CXorf66: variants seen among roughly 807,000 people sequenced by gnomAD.
The protein encoded by CXorf66 is uncharacterized protein CXorf66.
CXorf66 carries 6 observed loss-of-function variants against 5.0 expected under a neutral mutation model. That is an observed-to-expected ratio of 1.20 (90% CI 0.65 to 2.36). The LOEUF is 2.36. Ranked by LOEUF, CXorf66 falls within the 30% of genes most tolerant of loss-of-function variation. CXorf66 has a pLI of 0.00. For missense variants in CXorf66, 270 were observed against 254.9 expected, an observed-to-expected ratio of 1.06 and a Z score of -0.40; for synonymous variants, 98 against 102.8, an observed-to-expected ratio of 0.95 and a Z score of 0.28.
Position 139,958,166 on chromosome X carries a change from T to A in CXorf66, c.140A>T (p.Asn47Ile). Reference sequence around the variant, plus strand: ...GATAATACCAACTAAAATGAGTAGATTTCTTCTAAGGTAGTTCAATTTTGT... The same window carrying A: ...GATAATACCAACTAAAATGAGTAGAATTCTTCTAAGGTAGTTCAATTTTGT... Reference protein sequence around the residue: ...MQTKLNYLRRNLLILVGIIIM... With the variant: ...MQTKLNYLRRILLILVGIIIM... The change falls in exon 2 of 3, where the codon AAT becomes ATT. Residue 47 changes from asparagine to isoleucine, a missense_variant. Coordinates refer to ENST00000370540, the MANE Select transcript of CXorf66 (RefSeq NM_001013403.3). The A allele has an allele frequency of 8.3e-7, 1 of 1,199,272 alleles. No homozygotes were observed. Among genetic ancestry groups the A allele is most frequent in the East Asian group, 3.0e-5 (1 of 33,502 alleles).
chrX:139,961,195 G>A (rs892554960), intron 1 of CXorf66, among the ~76,000 whole-genome samples: 2 of 111,538 alleles, frequency 1.8e-5, no homozygotes, highest in Non-Finnish European at 3.8e-5. Flanking sequence ...CATCACACGT[G>A]AAAAGACACA....
chrX:139,959,036 C>T (rs2085584199), intron 1 of CXorf66, among the ~76,000 whole-genome samples: 1 of 111,730 alleles, frequency 9.0e-6, no homozygotes, highest in Non-Finnish European at 1.9e-5. Context: ...TTTTTTCCCC[C>T]CAGTGGCACC....
rs1189043111 is a variant in CXorf66 at position 139,965,422 on chromosome X, T to A, written c.75A>T (p.Gly25=). 2 of 1,200,638 alleles carry A rather than the reference T, an allele frequency of 1.7e-6. No homozygotes were observed. Among genetic ancestry groups the A allele is most frequent in the Admixed American group, 4.4e-5 (2 of 45,559 alleles). Residue 25 remains glycine, a synonymous_variant, in exon 1 of 3, where the codon GGA becomes GGT. Transcript: ENST00000370540. ...NNCMTTNQTN[G]SSTTGDKPVE... ...TTAGGCACCTACCTGTAGTAGAAGA[T>A]CCATTGGTTTGGTTTGTAGTCATGC...
chrX:139,965,373 G>T, intron 1 of CXorf66, 36 bp downstream of exon 1: 1 of 986,380 alleles, frequency 1.0e-6, no homozygotes, highest in East Asian at 3.0e-5. Context: ...TACTGTAACA[G>T]ATCATAATTT....
Position 139,955,992 on chromosome X carries a change from C to G in CXorf66, c.990G>C (p.Met330Ile). Residue 330 changes from methionine (M) to isoleucine (I), a missense_variant, in exon 3 of 3, where the codon ATG (methionine) becomes ATC (isoleucine). By Grantham distance (10) the Met-to-Ile change is conservative. Transcript: ENST00000370540. ...CACTGTCAACCTCACTATAATATTTCATCGTATCACTGTCATTCACATGAT... is the reference window on the plus strand; with the variant it reads ...CACTGTCAACCTCACTATAATATTTGATCGTATCACTGTCATTCACATGAT... ...YGDHVNDSDT[M>I]KYYSEVDSDK... The G allele has an allele frequency of 3.3e-6, 4 of 1,210,292 alleles. No homozygotes were observed. The South Asian group carries it at 7.0e-5, about 21-fold the overall frequency.
chrX:139,963,977 C>CTATT (rs1205132051), intron 1 of CXorf66, among the ~76,000 whole-genome samples: 2 of 111,957 alleles, frequency 1.8e-5, no homozygotes, highest in African/African-American at 3.2e-5. Flanking sequence ...AAAACCTAGG[C>CTATT]AATACCATTC....
Position 139,956,700 on chromosome X carries a change from T to A in CXorf66, c.282A>T (p.Thr94=). The change falls in exon 3 of 3, where the codon ACA becomes ACT. Residue 94 remains threonine, a synonymous_variant. Coordinates refer to ENST00000370540, the MANE Select transcript of CXorf66 (RefSeq NM_001013403.3). ...KKGIAAKSSK[T]SFSEAKTASQ... The stretch of plus-strand genomic sequence containing the variant: ...AGGCTGTCTTGGCTTCACTGAATGA[T>A]GTTTTAGATGACTTGGCTGCTATGC... The A allele has an allele frequency of 8.3e-7, 1 of 1,208,754 alleles. No individual in the cohort carries two copies. The highest frequency in any genetic ancestry group is 1.1e-6 in the Non-Finnish European group (1 of 893,317).
intron 1 of CXorf66, among the ~76,000 whole-genome samples, chrX:139,959,420 G>A (rs1255526097): frequency 8.9e-6 from 1 of 112,180 alleles, no homozygotes; most frequent in Non-Finnish European, 1.9e-5. Context: ...CCCAGTCAGG[G>A]GCTTACAGAT....
chrX:139,957,992 C>T, intron 2 of CXorf66, 72 bp downstream of exon 2: 1 of 1,010,077 alleles, frequency 9.9e-7, no homozygotes, highest in Non-Finnish European at 1.3e-6. Context: ...GTAACCTGAA[C>T]AACAATGAAA....
chrX:139,958,016 T>G (rs377288280), intron 2 of CXorf66, 48 bp downstream of exon 2: 205 of 1,096,386 alleles, frequency 1.9e-4, no homozygotes, highest in Non-Finnish European at 2.4e-4. Flanking sequence ...CCGCTATATG[T>G]ACACACACAC....
chrX:139,963,443 C>T (rs757203211), intron 1 of CXorf66, among the ~76,000 whole-genome samples: 135 of 111,964 alleles, frequency 1.2e-3, no homozygotes, highest in African/African-American at 4.3e-3. Flanking sequence ...ACATTCCATG[C>T]TCATGGATAG....
intron 1 of CXorf66, among the ~76,000 whole-genome samples, chrX:139,960,381 A>G (rs1052368124): frequency 5.5e-5 from 6 of 109,947 alleles, no homozygotes; most frequent in East Asian, 5.8e-4. Context: ...TAGAGAAAAA[A>G]GAATGAAAAA....
At chrX:139,961,393 G>C (rs898669175) in intron 1 of CXorf66, among the ~76,000 whole-genome samples, 1 of 111,804 alleles carries the variant, frequency 8.9e-6, no homozygotes, top group Non-Finnish European at 1.9e-5. Flanking sequence ...ATCCTAAATA[G>C]ATATGCACCC....
chrX:139,961,493 C>G (rs1320938827), intron 1 of CXorf66, among the ~76,000 whole-genome samples: 3 of 111,987 alleles, frequency 2.7e-5, no homozygotes, highest in Non-Finnish European at 5.6e-5. Context: ...GAAACTTTAA[C>G]ATCCCACTGT....
chrX:139,958,483 CTG>C lies in CXorf66; in HGVS notation c.89-268_89-267del, dbSNP rs893526936. Reference sequence around the variant, plus strand: ...TATCACATTACCCAGGTTTTTGAATCTGTGTGTGTGTGTCTTGCATGTATAAG... The same window carrying C: ...TATCACATTACCCAGGTTTTTGAATCTGTGTGTGTGTCTTGCATGTATAAG... On this transcript the variant is annotated intron_variant, in intron 1 of 2. Transcript: ENST00000370540. Among the ~76,000 whole-genome samples, 239 of 110,954 alleles carry C rather than the reference CTG, an allele frequency of 2.2e-3. 1 individual carries two copies. The highest frequency in any genetic ancestry group is 7.3e-3 in the African/African-American group (222 of 30,504).
Position 139,956,156 on chromosome X carries a change from C to G in CXorf66, c.826G>C (p.Ala276Pro). ...CQPYKKKHLV[A>P]KTYRPLVNDI... ...TTGACCAAAGGCCTATAAGTTTTGG[C>G]AACAAGATGTTTTTTCTTGTAGGGT... Residue 276 changes from alanine (A) to proline (P), a missense_variant, in exon 3 of 3, where the codon GCC becomes CCC. By Grantham distance (27) the Ala-to-Pro change is conservative. Coordinates refer to ENST00000370540, the MANE Select transcript of CXorf66 (RefSeq NM_001013403.3). 1 of 1,211,658 alleles carries G rather than the reference C, an allele frequency of 8.3e-7. No homozygotes were observed.
At chrX:139,958,458 T>C in intron 1 of CXorf66, among the ~76,000 whole-genome samples, 1 of 112,112 alleles carries the variant, frequency 8.9e-6, no homozygotes, top group East Asian at 2.8e-4. Flanking sequence ...TTGGCTTGCT[T>C]ATCACATTAC....
chrX:139,959,048 G>A (rs1168592456), intron 1 of CXorf66, among the ~76,000 whole-genome samples: 1 of 111,686 alleles, frequency 9.0e-6, no homozygotes, highest in Admixed American at 9.5e-5. Flanking sequence ...AGTGGCACCT[G>A]GAAGCCCAGT....
At chrX:139,959,647 G>T (rs1461804081) in intron 1 of CXorf66, among the ~76,000 whole-genome samples, 2 of 112,102 alleles carry the variant, frequency 1.8e-5, no homozygotes, top group Non-Finnish European at 3.8e-5. Flanking sequence ...CCCAGCAGGG[G>T]TCAACAGACA....
Sources: gnomAD v4.1 joint callset for allele counts (sites outside exome capture counted in the v4.1 genomes callset) on GRCh38, gnomAD v4.1.1 for gene constraint, MANE v1.5 for transcripts, NCBI Gene and HGNC (gene_info 2026-07-23, HGNC 2026-07-21) for gene names.